ANKRD44: variants seen among roughly 807,000 people sequenced by gnomAD.
ANKRD44 encodes the protein serine/threonine-protein phosphatase 6 regulatory ankyrin repeat subunit B.
A neutral mutation model predicts 116.0 loss-of-function variants in ANKRD44; 35 were observed. The ratio of observed to expected loss-of-function variants is 0.30; its 90% CI spans 0.23 to 0.40. ANKRD44 has a LOEUF of 0.40. Among genes scored for constraint, ANKRD44 ranks in the 10% least tolerant of loss-of-function variants. ANKRD44 has a pLI of 1.00. For missense variants in ANKRD44, 1,014 were observed against 1,242.6 expected (o/e 0.82, Z 2.77); for synonymous variants, 435 against 461.8 (o/e 0.94, Z 0.74).
At position 197,026,049 on chromosome 2, in the gene ANKRD44, A is replaced by AAAAAAC. The variant is rs765869052; in HGVS notation, c.1651-783_1651-782insGTTTTT. On this transcript the variant is annotated intron_variant, in intron 16 of 27. Transcript: ENST00000282272. ...GAGAAGGGGGAGATAAAAAGAAACAAAAAAAAAAAAAACACCTTTCTGGGC... is the reference window on the plus strand; with the variant it reads ...GAGAAGGGGGAGATAAAAAGAAACAAAAAAACAAAAAAAAAAAACACCTTTCTGGGC... 7.6e-3 allele frequency among the ~76,000 whole-genome samples: 837 copies of AAAAAAC among 109,832 alleles called. 17 individuals are homozygous for AAAAAAC. The highest frequency in any genetic ancestry group is 0.012 in the Non-Finnish European group (663 of 55,858). 72.1% of individuals were successfully genotyped at this position (109,832 alleles called of 152,430 possible).
chr2:197,146,313 C>T (rs576733175), intron 3 of ANKRD44, among the ~76,000 whole-genome samples: 1 of 152,294 alleles, frequency 6.6e-6, no homozygotes, highest in Admixed American at 6.5e-5. Flanking sequence ...GAGGTAACCA[C>T]TAACCAGAAA....
chr2:197,268,761 G>A lies in ANKRD44; in HGVS notation c.27+41817C>T, dbSNP rs146204278. On this transcript the variant is annotated intron_variant, in intron 1 of 27. Transcript: ENST00000282272. ...TGGGCTTAAGGAATCAGCCTGGACT[G>A]AGACCTTCCTCATATGCCCTGCCTT... Among the ~76,000 whole-genome samples, 380 of 152,290 alleles carry A rather than the reference G, an allele frequency of 2.5e-3. 5 individuals carry two copies. The highest frequency in any genetic ancestry group is 8.5e-3 in the African/African-American group (352 of 41,540).
intron 16 of ANKRD44, among the ~76,000 whole-genome samples, chr2:197,025,961 C>T (rs1305971957): frequency 6.6e-6 from 1 of 151,346 alleles, no homozygotes; most frequent in South Asian, 2.1e-4. Flanking sequence ...ATGACATTCT[C>T]GTAGACCCTT....
intron 1 of ANKRD44, among the ~76,000 whole-genome samples, chr2:197,269,286 GGAGATAGGAGC>G (rs771828182): frequency 0.014 from 2,093 of 152,266 alleles, 17 homozygotes; most frequent in Non-Finnish European, 0.02. Flanking sequence ...GTTTGAATAT[GGAGATAGGAGC>G]AGTAAGGCTC....
chr2:197,241,972 C>T (rs1297909980), intron 1 of ANKRD44, among the ~76,000 whole-genome samples: 1 of 152,106 alleles, frequency 6.6e-6, no homozygotes, highest in Non-Finnish European at 1.5e-5. Flanking sequence ...AAAAAAATCT[C>T]CCTTTAGGTT....
In ANKRD44 at chr2:197,121,324, T is replaced by C. The variant is rs2697270; in HGVS notation, c.906+8A>G. 1,549,283 of 1,611,850 alleles carry C rather than the reference T, an allele frequency of 0.96. 745,624 individuals carry two copies. Among genetic ancestry groups the C allele is most frequent in the East Asian group, 0.99 (44,237 of 44,868 alleles). On this transcript the variant is annotated splice_region_variant and intron_variant, in intron 8 of 27. Coordinates refer to ENST00000282272, the MANE Select transcript of ANKRD44 (RefSeq NM_001195144.2). ...AGGCATTCAACACAGAGACTAAGAG[T>C]GTCATACCTGAATGTTAACATCTGC...
chr2:197,140,699 T>C (rs954661949), intron 3 of ANKRD44, among the ~76,000 whole-genome samples: 3 of 147,106 alleles, frequency 2.0e-5, no homozygotes, highest in African/African-American at 7.6e-5. Flanking sequence ...GTAGATCTCA[T>C]GTTAAGTGTT....
intron 3 of ANKRD44, among the ~76,000 whole-genome samples, chr2:197,140,125 A>G (rs1460114200): frequency 1.5e-5 from 2 of 136,376 alleles, no homozygotes; most frequent in Non-Finnish European, 3.1e-5. Flanking sequence ...CAGGTGATCT[A>G]CCTGCCTCAG....
At position 197,005,498 on chromosome 2, in the gene ANKRD44, G is replaced by A. The variant is rs562417084; in HGVS notation, c.2347+196C>T. On this transcript the variant is annotated intron_variant, in intron 21 of 27. Coordinates refer to ENST00000282272, the MANE Select transcript of ANKRD44 (RefSeq NM_001195144.2). The stretch of plus-strand genomic sequence containing the variant: ...AAAGGGGAAAGTGAACTTTTACTCA[G>A]TTAAGGCATCACAGCAGCTGTGGAG... Among the ~76,000 whole-genome samples, 4 of 152,258 alleles carry A rather than the reference G, an allele frequency of 2.6e-5. No homozygotes were observed. The East Asian group carries it at 7.7e-4, about 29-fold the overall frequency.
chr2:197,125,463 G>T lies in ANKRD44; in HGVS notation c.468C>A (p.Val156=). The change falls in exon 6 of 28, where the codon GTC becomes GTA. Residue 156 remains valine, a synonymous_variant. Coordinates refer to ENST00000282272, the MANE Select transcript of ANKRD44 (RefSeq NM_001195144.2). Reference sequence around the variant, plus strand: ...TTGCCCCTTTGGCCAAGAGTAAATTGACCATCTGAAAGATAACCAACAATG... The same window carrying T: ...TTGCCCCTTTGGCCAAGAGTAAATTTACCATCTGAAAGATAACCAACAATG... ...HAALNGHVEM[V]NLLLAKGANI... is the part of the protein sequence containing the mutation. 6.2e-7 allele frequency: 1 copy of T among 1,613,606 alleles called. No homozygotes were observed. The highest frequency in any genetic ancestry group is 8.5e-7 in the Non-Finnish European group (1 of 1,179,902).
chr2:197,243,694 C>T (rs568284014), intron 1 of ANKRD44, among the ~76,000 whole-genome samples: 46 of 152,316 alleles, frequency 3.0e-4, no homozygotes, highest in African/African-American at 9.4e-4. Context: ...CTGTTCCTCA[C>T]GGATGGCACC....
chr2:197,043,408 A>G (rs539000580), intron 16 of ANKRD44, among the ~76,000 whole-genome samples: 1 of 152,174 alleles, frequency 6.6e-6, no homozygotes, highest in East Asian at 1.9e-4. Context: ...GGGTCTCACT[A>G]TGTTGCCCAG....
intron 16 of ANKRD44, among the ~76,000 whole-genome samples, chr2:197,060,797 C>T (rs185007559): frequency 6.4e-4 from 98 of 152,174 alleles, no homozygotes; most frequent in Middle Eastern, 3.4e-3. Context: ...GTCTGACTGG[C>T]TTATTTCACT....
chr2:197,038,672 T>G (rs1462808352), intron 16 of ANKRD44, among the ~76,000 whole-genome samples: 1 of 152,232 alleles, frequency 6.6e-6, no homozygotes, highest in Non-Finnish European at 1.5e-5. Flanking sequence ...GTAGAATACC[T>G]AAACCAGTCC....
intron 23 of ANKRD44, 48 bp downstream of exon 23, chr2:197,000,371 G>A (rs372181821): frequency 2.7e-6 from 4 of 1,459,856 alleles, no homozygotes; most frequent in Non-Finnish European, 3.8e-6. Context: ...CTGCAAAGCA[G>A]AGGGTAAGAT....
At chr2:197,173,225 G>T (rs1007628738) in intron 2 of ANKRD44, among the ~76,000 whole-genome samples, 1 of 152,118 alleles carries the variant, frequency 6.6e-6, no homozygotes, top group Non-Finnish European at 1.5e-5. Flanking sequence ...GTTTCACACT[G>T]AGCCCTAGAC....
intron 1 of ANKRD44, among the ~76,000 whole-genome samples, chr2:197,254,779 T>C (rs6755105): frequency 0.1 from 15,577 of 151,684 alleles, 864 homozygotes; most frequent in Middle Eastern, 0.13. Context: ...TATATATATT[T>C]GCTTTAACAT....
At chr2:197,147,168 A>G (rs1246503365) in intron 2 of ANKRD44, 63 bp from the exon 3 acceptor site, 2 of 1,339,176 alleles carry the variant, frequency 1.5e-6, no homozygotes, top group Non-Finnish European at 2.1e-6. Context: ...CCTTTTGTAG[A>G]CATAGTAAGA....
chr2:197,115,996 G>T (rs1032286355), intron 8 of ANKRD44, among the ~76,000 whole-genome samples: 4 of 152,094 alleles, frequency 2.6e-5, no homozygotes, highest in South Asian at 2.1e-4. Flanking sequence ...TTTTAAAATG[G>T]CATTTCTTAT....
Sources: allele counts gnomAD v4.1 joint callset (sites outside exome capture counted in the v4.1 genomes callset), GRCh38; gene constraint gnomAD v4.1.1; transcripts MANE v1.5; gene names NCBI Gene and HGNC (gene_info 2026-07-23, HGNC 2026-07-21).